SELENOF: variants seen among roughly 807,000 people sequenced by gnomAD.
SELENOF encodes selenoprotein F.
In SELENOF, 16 loss-of-function variants were observed where a neutral mutation model predicts 20.5. The ratio of observed to expected loss-of-function variants is 0.78; its 90% CI spans 0.53 to 1.19. The LOEUF (loss-of-function observed/expected upper bound fraction) is 1.19, where lower values mean the gene tolerates loss of function less well. SELENOF is among the 50% of genes most tolerant of loss of function. SELENOF has a pLI of 0.00. For missense variants in SELENOF, 215 were observed against 194.2 expected (o/e 1.11, Z -0.64); for synonymous variants, 78 against 74.5 (o/e 1.05, Z -0.24).
chr1:86,912,799 G>A (rs1350243913), intron 1 of SELENOF, among the ~76,000 whole-genome samples: 1 of 152,152 alleles, frequency 6.6e-6, no homozygotes, highest in Non-Finnish European at 1.5e-5. Flanking sequence ...CATAGGTGGA[G>A]TAGTTCTACT....
chr1:86,914,086 C>G lies in SELENOF; in HGVS notation c.26G>C (p.Ser9Thr), dbSNP rs754001040. MVAMAAGP[S>T]GCLVPAFGLR... Reference sequence around the variant, plus strand: ...CCCAAACGCCGGCACCAGACACCCACTCGGCCCAGCCGCCATCGCTACCAT... The same window carrying G: ...CCCAAACGCCGGCACCAGACACCCAGTCGGCCCAGCCGCCATCGCTACCAT... The change falls in exon 1 of 5, where the codon AGT becomes ACT. Residue 9 changes from serine to threonine, a missense_variant. Ser to Thr is a moderately conservative substitution (Grantham distance 58). Transcript: ENST00000331835. 3 of 1,614,012 alleles carry G rather than the reference C, an allele frequency of 1.9e-6. No individual in the cohort carries two copies. Among genetic ancestry groups the G allele is most frequent in the Admixed American group, 1.7e-5 (1 of 60,020 alleles).
intron 1 of SELENOF, among the ~76,000 whole-genome samples, chr1:86,904,034 A>C (rs1041921615): frequency 1.3e-5 from 2 of 152,248 alleles, no homozygotes; most frequent in African/African-American, 4.8e-5. Context: ...TGTTTATCAC[A>C]TAAATATTTT....
At position 86,880,647 on chromosome 1, in the gene SELENOF, GTAAAT is replaced by G. The variant is rs2102087922; in HGVS notation, c.316+10_316+14del. 1.5e-4 allele frequency: 233 copies of G among 1,508,836 alleles called. No individual in the cohort carries two copies. The highest frequency in any genetic ancestry group is 1.8e-4 in the Non-Finnish European group (202 of 1,105,396). The allele number at this position is 1,508,836 out of a possible 1,614,324, so 93.5% of individuals were successfully genotyped here. On this transcript the variant is annotated intron_variant, in intron 3 of 4. Coordinates refer to ENST00000331835, the MANE Select transcript of SELENOF (RefSeq NM_004261.5). ...TTAAATGACTGAACAGTTTACTGGA[GTAAAT>G]TTTATATACCTTGGACTTGAGGGAA...
chr1:86,882,268 A>G (rs1358532818), intron 2 of SELENOF, among the ~76,000 whole-genome samples: 47 of 143,886 alleles, frequency 3.3e-4, no homozygotes, highest in East Asian at 1.6e-3. Context: ...AAAAAAAAAA[A>G]AAAGAAAGAA....
chr1:86,896,348 A>T (rs1327808279), intron 2 of SELENOF, among the ~76,000 whole-genome samples: 1 of 152,210 alleles, frequency 6.6e-6, no homozygotes, highest in Non-Finnish European at 1.5e-5. Context: ...ACCTTGATTA[A>T]GGAAATAATG....
At chr1:86,910,795 G>A (rs553598530) in intron 1 of SELENOF, among the ~76,000 whole-genome samples, 18 of 151,460 alleles carry the variant, frequency 1.2e-4, no homozygotes, top group Non-Finnish European at 2.4e-4. Flanking sequence ...ATCTAAGGCA[G>A]AGTCCAAGCA....
intron 2 of SELENOF, among the ~76,000 whole-genome samples, chr1:86,901,676 A>C (rs766613527): frequency 6.6e-6 from 1 of 152,252 alleles, no homozygotes; most frequent in Non-Finnish European, 1.5e-5. Context: ...AAGATACAAC[A>C]TATAGCTCCA....
chr1:86,873,913 T>A lies in SELENOF; in HGVS notation c.317-5811A>T, dbSNP rs557410840. 9.5e-4 allele frequency among the ~76,000 whole-genome samples: 144 copies of A among 152,156 alleles called. 1 individual carries two copies. Among genetic ancestry groups the A allele is most frequent in the African/African-American group, 3.3e-3 (137 of 41,522 alleles). On this transcript the variant is annotated intron_variant, in intron 3 of 4. Coordinates refer to ENST00000331835, the MANE Select transcript of SELENOF (RefSeq NM_004261.5). ...TGTTTGGCTAGTTGGTCACTCCAGGTCTAAAGTGTTATTTTATCTCTTTGC... is the reference window on the plus strand; with the variant it reads ...TGTTTGGCTAGTTGGTCACTCCAGGACTAAAGTGTTATTTTATCTCTTTGC...
At chr1:86,914,285 T>G (rs1303357114), upstream of SELENOF, 2 of 622,630 alleles carry the variant, frequency 3.2e-6, no homozygotes, top group Non-Finnish European at 2.9e-6. Flanking sequence ...AATCACTGGG[T>G]GCTTTCGATT....
chr1:86,864,150 C>T (rs956748148), intron 4 of SELENOF, among the ~76,000 whole-genome samples: 3 of 152,154 alleles, frequency 2.0e-5, no homozygotes, highest in Admixed American at 6.5e-5. Context: ...TTTTAAAATA[C>T]GCTGTGCATA....
At chr1:86,866,246 G>C (rs984321007) in intron 4 of SELENOF, among the ~76,000 whole-genome samples, 2 of 146,266 alleles carry the variant, frequency 1.4e-5, no homozygotes, top group Admixed American at 6.8e-5. Context: ...GTGTGTGTGT[G>C]TGTGTGTGTG....
At chr1:86,883,957 C>G (rs1408937326) in intron 2 of SELENOF, among the ~76,000 whole-genome samples, 5 of 152,116 alleles carry the variant, frequency 3.3e-5, no homozygotes, top group African/African-American at 1.2e-4. Context: ...TCAGATGTGA[C>G]CTTTTTCAAA....
intron 3 of SELENOF, among the ~76,000 whole-genome samples, chr1:86,869,072 G>C (rs1398840892): frequency 6.6e-6 from 1 of 152,112 alleles, no homozygotes; most frequent in Non-Finnish European, 1.5e-5. Context: ...GAATTACAAA[G>C]ATTACAAAGA....
At chr1:86,907,945 C>T (rs1659873412) in intron 1 of SELENOF, among the ~76,000 whole-genome samples, 1 of 150,996 alleles carries the variant, frequency 6.6e-6, no homozygotes, top group Non-Finnish European at 1.5e-5. Context: ...GAGATTGCAC[C>T]ATTGCACTCC....
chr1:86,900,360 C>T (rs1356790622), intron 2 of SELENOF, among the ~76,000 whole-genome samples: 2 of 152,314 alleles, frequency 1.3e-5, no homozygotes, highest in East Asian at 1.9e-4. Flanking sequence ...CCGAGGCTGG[C>T]GGATCACTCG....
At chr1:86,875,788 C>T (rs761987004) in intron 3 of SELENOF, among the ~76,000 whole-genome samples, 2 of 152,002 alleles carry the variant, frequency 1.3e-5, no homozygotes, top group Non-Finnish European at 2.9e-5. Context: ...TAAACACCAC[C>T]CAAAAACAAT....
intron 1 of SELENOF, among the ~76,000 whole-genome samples, chr1:86,904,999 T>C (rs186111181): frequency 4.7e-4 from 71 of 152,348 alleles, no homozygotes; most frequent in Admixed American, 4.0e-3. Flanking sequence ...GTCCACTCAA[T>C]ATCACATTTA....
intron 2 of SELENOF, 117 bp downstream of exon 2, chr1:86,903,164 T>C (rs958256928): frequency 3.3e-5 from 29 of 869,710 alleles, no homozygotes; most frequent in African/African-American, 5.3e-5. Context: ...AGTTGAGTTT[T>C]ACTAAAAAAT....
intron 2 of SELENOF, among the ~76,000 whole-genome samples, chr1:86,890,257 A>G (rs77691944): frequency 0.022 from 3,332 of 152,268 alleles, 43 homozygotes; most frequent in South Asian, 0.054. Flanking sequence ...CCTACTTACT[A>G]TAAGCATTAA....
Sources: allele counts gnomAD v4.1 joint callset (sites outside exome capture counted in the v4.1 genomes callset), GRCh38; gene constraint gnomAD v4.1.1; transcripts MANE v1.5; gene names NCBI Gene and HGNC (gene_info 2026-07-23, HGNC 2026-07-21).